The following FHIT variants were observed in gnomAD, a reference collection of about 807,000 sequenced individuals.
FHIT encodes fragile histidine triad diadenosine triphosphatase.
In FHIT, 19 loss-of-function variants were observed where a neutral mutation model predicts 17.9. The observed-to-expected ratio is 1.06, with a 90% confidence interval of 0.74 to 1.56. The LOEUF is 1.56. Among genes scored for constraint, FHIT ranks in the 40% most tolerant of loss-of-function variants. FHIT has a pLI of 0.00. For synonymous variants in FHIT, 81 were observed against 69.7 expected (o/e 1.16, Z -0.81); for missense variants, 248 against 189.2 (o/e 1.31, Z -1.82).
At chr3:61,209,875 G>A (rs962864963) in intron 1 of FHIT, among the ~76,000 whole-genome samples, 2 of 152,192 alleles carry the variant, frequency 1.3e-5, no homozygotes, top group Non-Finnish European at 2.9e-5. Flanking sequence ...TCCTTTGGAG[G>A]AGGAGAGGCA....
intron 4 of FHIT, among the ~76,000 whole-genome samples, chr3:60,619,468 A>G (rs559926315): frequency 1.3e-5 from 2 of 152,266 alleles, no homozygotes; most frequent in East Asian, 3.9e-4. Context: ...CGACTTCAAG[A>G]GTTAGAACAA....
At chr3:61,146,110 C>A (rs940624872) in intron 2 of FHIT, among the ~76,000 whole-genome samples, 2 of 151,942 alleles carry the variant, frequency 1.3e-5, no homozygotes, top group African/African-American at 4.8e-5. Flanking sequence ...GGAGAAAGCA[C>A]GACATAAAAC....
rs1013050999 is a variant in FHIT, at chr3:61,207,438, C to T, written c.-212-6773G>A. On this transcript the variant is annotated intron_variant, in intron 1 of 9. Coordinates refer to ENST00000492590, the MANE Select transcript of FHIT (RefSeq NM_002012.4). The stretch of plus-strand genomic sequence containing the variant: ...CCTCTGGTAGAATTCAGCTGTGAAT[C>T]CATCTGGTCCTGGACTTTTTTTGGT... Among the ~76,000 whole-genome samples the T allele has an allele frequency of 3.3e-5, 5 of 152,306 alleles. No individual in the cohort carries two copies. The East Asian group carries it at 5.8e-4, about 18-fold the overall frequency.
intron 5 of FHIT, among the ~76,000 whole-genome samples, chr3:60,148,016 C>A (rs1187464981): frequency 6.6e-6 from 1 of 152,148 alleles, no homozygotes; most frequent in Non-Finnish European, 1.5e-5. Flanking sequence ...GTAAATTATT[C>A]TTTCCATGGG....
intron 5 of FHIT, among the ~76,000 whole-genome samples, chr3:60,317,763 AT>A (rs1709230638): frequency 6.8e-6 from 1 of 147,380 alleles, no homozygotes; most frequent in Non-Finnish European, 1.5e-5. Context: ...CTAGTTCAAA[AT>A]TCCATTCTGG....
chr3:60,252,566 A>T (rs1325433252), intron 5 of FHIT, among the ~76,000 whole-genome samples: 1 of 152,052 alleles, frequency 6.6e-6, no homozygotes, highest in African/African-American at 2.4e-5. Flanking sequence ...TGCCTCGAAA[A>T]GAAAAAAATA....
intron 7 of FHIT, among the ~76,000 whole-genome samples, chr3:59,932,441 G>A (rs1033268817): frequency 6.6e-6 from 1 of 152,146 alleles, no homozygotes; most frequent in African/African-American, 2.4e-5. Context: ...AGCAAAGGAA[G>A]CATTGATTGC....
intron 8 of FHIT, among the ~76,000 whole-genome samples, chr3:59,775,539 C>A (rs189458307): frequency 4.0e-5 from 6 of 148,190 alleles, no homozygotes; most frequent in African/African-American, 1.3e-4. Context: ...TGCAAATCAT[C>A]TCCCACTCAT....
At chr3:60,806,198 G>A (rs925762321) in intron 4 of FHIT, among the ~76,000 whole-genome samples, 3 of 152,096 alleles carry the variant, frequency 2.0e-5, no homozygotes, top group Non-Finnish European at 4.4e-5. Flanking sequence ...GATTCAGTTG[G>A]GGGGCTCAGT....
chr3:60,475,151 T>C (rs1368050617), intron 5 of FHIT, among the ~76,000 whole-genome samples: 1 of 148,196 alleles, frequency 6.7e-6, no homozygotes, highest in African/African-American at 2.6e-5. Flanking sequence ...CGAAGTGTTT[T>C]ACTATGTGCC....
At chr3:60,331,361 C>G (rs1245652139) in intron 5 of FHIT, among the ~76,000 whole-genome samples, 3 of 152,132 alleles carry the variant, frequency 2.0e-5, no homozygotes, top group Non-Finnish European at 4.4e-5. Context: ...CATGTTTCCT[C>G]TATACATTAT....
intron 2 of FHIT, among the ~76,000 whole-genome samples, chr3:61,188,765 A>C (rs2038611796): frequency 6.6e-6 from 1 of 152,144 alleles, no homozygotes; most frequent in Admixed American, 6.6e-5. Context: ...CTGGGATACA[A>C]GGCTGGTTCA....
intron 5 of FHIT, among the ~76,000 whole-genome samples, chr3:60,246,466 T>C (rs1237453401): frequency 6.6e-6 from 1 of 152,086 alleles, no homozygotes; most frequent in East Asian, 1.9e-4. Flanking sequence ...TGGATTTTAT[T>C]TGCAAATTAT....
chr3:61,025,941 G>A (rs553898531), intron 3 of FHIT, among the ~76,000 whole-genome samples: 9 of 152,196 alleles, frequency 5.9e-5, no homozygotes, highest in Middle Eastern at 3.4e-3. Context: ...AAAAGTATAT[G>A]TTGATGTTTA....
intron 5 of FHIT, among the ~76,000 whole-genome samples, chr3:60,095,409 T>G (rs558824908): frequency 6.6e-6 from 1 of 152,286 alleles, no homozygotes; most frequent in East Asian, 1.9e-4. Context: ...TTCTCTCATT[T>G]CCCTCCCGTG....
intron 1 of FHIT, among the ~76,000 whole-genome samples, chr3:61,218,471 T>C (rs1333100231): frequency 6.6e-5 from 10 of 152,120 alleles, no homozygotes; most frequent in Non-Finnish European, 1.5e-4. Context: ...AAGACAATCC[T>C]AGATAAGCTT....
chr3:60,234,665 C>T (rs867360190), intron 5 of FHIT, among the ~76,000 whole-genome samples: 9 of 152,146 alleles, frequency 5.9e-5, no homozygotes, highest in Admixed American at 2.6e-4. Context: ...ATGTTCCTGG[C>T]TGCTGAAAGA....
intron 8 of FHIT, among the ~76,000 whole-genome samples, chr3:59,894,432 G>T (rs1703979851): frequency 6.6e-6 from 1 of 152,150 alleles, no homozygotes; most frequent in Admixed American, 6.5e-5. Flanking sequence ...ATAACCAGGA[G>T]GACTAATTGC....
At chr3:60,961,270 T>C (rs1553780675) in intron 3 of FHIT, among the ~76,000 whole-genome samples, 1 of 146,246 alleles carries the variant, frequency 6.8e-6, no homozygotes, top group African/African-American at 2.4e-5. Flanking sequence ...GTTCACTTTT[T>C]GATGGGGTTG....
Sources: allele counts gnomAD v4.1 joint callset (sites outside exome capture counted in the v4.1 genomes callset), GRCh38; gene constraint gnomAD v4.1.1; transcripts MANE v1.5; gene names NCBI Gene and HGNC (gene_info 2026-07-23, HGNC 2026-07-21).